Variants in BMP2K observed in about 807,000 individuals in gnomAD.
BMP2K encodes BMP-2-inducible protein kinase.
Under a neutral mutation model 116.0 loss-of-function variants are expected in BMP2K, and 74 were observed. The observed-to-expected ratio is 0.64, with a 90% CI of 0.53 to 0.77. The LOEUF (loss-of-function observed/expected upper bound fraction) is 0.77. Ranked by LOEUF, BMP2K falls within the 30% of genes least tolerant of loss-of-function variation. The pLI is 0.00. For missense variants in BMP2K, 1,365 were observed against 1,403.6 expected (o/e 0.97, Z 0.44); for synonymous variants, 486 against 502.5 (o/e 0.97, Z 0.44).
chr4:78,850,782 ATTAAT>A lies in BMP2K; in HGVS notation c.751-139_751-135del, dbSNP rs543498109. On this transcript the variant is annotated intron_variant, in intron 6 of 15. Coordinates refer to ENST00000502613, the MANE Select transcript of BMP2K (RefSeq NM_198892.2). ...AAATGTCTTTTCAAAAATTAAATAT[ATTAAT>A]TTTTTTAAGAAATAATTTGTAAAAA... 4.3e-3 allele frequency: 3,019 copies of A among 705,168 alleles called. 13 individuals carry two copies. The highest frequency in any genetic ancestry group is 5.7e-3 in the Non-Finnish European group (2,721 of 475,214). 43.7% of individuals were successfully genotyped at this position (705,168 alleles called of 1,614,324 possible).
intron 1 of BMP2K, among the ~76,000 whole-genome samples, chr4:78,791,583 AC>A (rs1361510907): frequency 6.6e-6 from 1 of 152,176 alleles, no homozygotes; most frequent in African/African-American, 2.4e-5. Flanking sequence ...CAAACTTCGT[AC>A]CCATCAAACA....
At chr4:78,897,925 G>A (rs1386853808) in intron 15 of BMP2K, among the ~76,000 whole-genome samples, 7 of 152,228 alleles carry the variant, frequency 4.6e-5, no homozygotes. Context: ...CAATTAAGAT[G>A]CAAATGCTAC....
chr4:78,891,227 C>T (rs552906757), intron 15 of BMP2K, among the ~76,000 whole-genome samples: 1 of 152,272 alleles, frequency 6.6e-6, no homozygotes, highest in African/African-American at 2.4e-5. Flanking sequence ...ATTCTCTTTT[C>T]TGATCCTTTA....
chr4:78,822,207 ATT>A (rs3836651), intron 1 of BMP2K, among the ~76,000 whole-genome samples: 29,115 of 151,998 alleles, frequency 0.19, 6,022 homozygotes, highest in African/African-American at 0.52. Flanking sequence ...GTTGAAACAA[ATT>A]TTTAGATTGG....
intron 7 of BMP2K, among the ~76,000 whole-genome samples, chr4:78,851,561 G>A (rs776595923): frequency 2.0e-5 from 3 of 152,066 alleles, no homozygotes; most frequent in Non-Finnish European, 4.4e-5. Flanking sequence ...GTTGTGTCTA[G>A]CATTTCTGCT....
chr4:78,846,493 A>G (rs1467037123), intron 5 of BMP2K, among the ~76,000 whole-genome samples: 1 of 151,680 alleles, frequency 6.6e-6, no homozygotes, highest in Non-Finnish European at 1.5e-5. Flanking sequence ...TAGGATGTCC[A>G]TTCATCTTCT....
intron 1 of BMP2K, among the ~76,000 whole-genome samples, chr4:78,816,345 G>A (rs1285630837): frequency 6.6e-6 from 1 of 152,010 alleles, no homozygotes. Context: ...TCATACTTGG[G>A]TACTATATGA....
At chr4:78,897,932 C>T (rs1380380651) in intron 15 of BMP2K, among the ~76,000 whole-genome samples, 6 of 152,188 alleles carry the variant, frequency 3.9e-5, no homozygotes, top group Non-Finnish European at 8.8e-5. Context: ...GATGCAAATG[C>T]TACAATAGAT....
chr4:78,835,670 G>A (rs947816047), intron 3 of BMP2K, among the ~76,000 whole-genome samples: 1 of 151,170 alleles, frequency 6.6e-6, no homozygotes, highest in Admixed American at 6.6e-5. Flanking sequence ...TTAAGCTGTG[G>A]CTGAATCAGT....
At chr4:78,880,508 G>C (rs938347385) in intron 14 of BMP2K, among the ~76,000 whole-genome samples, 8 of 152,068 alleles carry the variant, frequency 5.3e-5, no homozygotes, top group Admixed American at 1.3e-4. Flanking sequence ...CAACTGCTTA[G>C]GTAAAAAATT....
In BMP2K at chr4:78,911,945, T is replaced by G; in HGVS notation, c.3398T>G (p.Val1133Gly). The G allele has an allele frequency of 6.2e-7, 1 of 1,614,016 alleles. No homozygotes were observed. Among genetic ancestry groups the G allele is most frequent in the Non-Finnish European group, 8.5e-7 (1 of 1,179,878 alleles). Residue 1133 changes from valine to glycine, a missense_variant, in exon 16 of 16, where the codon GTG (valine) becomes GGG (glycine). By Grantham distance (109) the Val-to-Gly change is moderately radical. This residue lies in a region of BMP2K where 596 missense variants were observed against 623.2 expected (regional missense o/e 0.96). Transcript: ENST00000502613. Reference sequence around the variant, plus strand: ...GCCGTGCCCTTTACAGAACTTGTGGTGCAAAGCATCACTCCACATCAGTCC... The same window carrying G: ...GCCGTGCCCTTTACAGAACTTGTGGGGCAAAGCATCACTCCACATCAGTCC... ...FGAVPFTELV[V>G]QSITPHQSQQ... is the part of the protein sequence containing the mutation.
chr4:78,813,931 C>T (rs181246923), intron 1 of BMP2K, among the ~76,000 whole-genome samples: 2 of 152,258 alleles, frequency 1.3e-5, no homozygotes, highest in Non-Finnish European at 2.9e-5. Flanking sequence ...TTGTTCATAG[C>T]ACGTAGATCA....
chr4:78,856,788 T>C (rs1731525883), intron 7 of BMP2K, among the ~76,000 whole-genome samples: 1 of 152,150 alleles, frequency 6.6e-6, no homozygotes, highest in South Asian at 2.1e-4. Context: ...CATCCAGTCA[T>C]AGTCAATGCT....
chr4:78,778,083 T>C (rs949269556), intron 1 of BMP2K, among the ~76,000 whole-genome samples: 2 of 152,238 alleles, frequency 1.3e-5, no homozygotes, highest in African/African-American at 2.4e-5. Context: ...TTGTAGGTTT[T>C]AAAAGCACAT....
At chr4:78,884,854 AC>A (rs1200336693) in intron 14 of BMP2K, among the ~76,000 whole-genome samples, 2 of 152,118 alleles carry the variant, frequency 1.3e-5, no homozygotes, top group Admixed American at 6.5e-5. Context: ...TAAGTTAGGG[AC>A]CCTTCGTTAT....
intron 1 of BMP2K, among the ~76,000 whole-genome samples, chr4:78,793,302 C>T (rs1265857137): frequency 6.7e-6 from 1 of 150,032 alleles, no homozygotes; most frequent in Non-Finnish European, 1.5e-5. Flanking sequence ...CCTAGCTACT[C>T]GGGAGGCTGA....
chr4:78,839,406 A>C (rs764908517), intron 3 of BMP2K, among the ~76,000 whole-genome samples: 3 of 152,186 alleles, frequency 2.0e-5, no homozygotes, highest in African/African-American at 4.8e-5. Context: ...CTGTTGGCCA[A>C]AGAAAATCAC....
At chr4:78,817,775 G>C (rs185263469) in intron 1 of BMP2K, among the ~76,000 whole-genome samples, 94 of 152,218 alleles carry the variant, frequency 6.2e-4, no homozygotes, top group African/African-American at 2.1e-3. Flanking sequence ...CATCTAATCT[G>C]TCTAACCTCT....
intron 1 of BMP2K, among the ~76,000 whole-genome samples, chr4:78,803,562 A>G (rs1372369971): frequency 6.6e-6 from 1 of 151,982 alleles, no homozygotes; most frequent in Non-Finnish European, 1.5e-5. Context: ...TATTTTTAGT[A>G]GAGATGGGGT....
Sources: gnomAD v4.1 joint callset for allele counts (sites outside exome capture counted in the v4.1 genomes callset) on GRCh38, gnomAD v4.1.1 for gene constraint, gnomAD v4.1.1 regional missense constraint, MANE v1.5 for transcripts, NCBI Gene and HGNC (gene_info 2026-07-23, HGNC 2026-07-21) for gene names.